PTPRN2: variants seen among roughly 807,000 people sequenced by gnomAD.
PTPRN2 encodes receptor-type tyrosine-protein phosphatase N2.
PTPRN2 carries 74 observed loss-of-function variants against 118.8 expected under a neutral mutation model. That is an observed-to-expected ratio of 0.62 (90% CI 0.52 to 0.76). The LOEUF (loss-of-function observed/expected upper bound fraction) is 0.76. Among genes scored for constraint, PTPRN2 ranks in the 30% least tolerant of loss-of-function variants. The pLI, the probability that PTPRN2 is intolerant of heterozygous loss-of-function variation, is 0.00. For synonymous variants in PTPRN2, 641 were observed against 608.0 expected, an observed-to-expected ratio of 1.05 and a Z score of -0.80; for missense variants, 1,481 against 1,394.4, an observed-to-expected ratio of 1.06 and a Z score of -0.99.
At chr7:158,132,530 A>G (rs1187077398) in intron 9 of PTPRN2, among the ~76,000 whole-genome samples, 1 of 139,812 alleles carries the variant, frequency 7.2e-6, no homozygotes, top group African/African-American at 2.7e-5. Context: ...CCCAACGTAC[A>G]CTCATATACA....
rs1252062155 is a variant in PTPRN2, at chr7:158,587,587, G to T, written c.83C>A (p.Pro28His). The change falls in exon 1 of 23, where the codon CCC (proline) becomes CAC (histidine). Residue 28 changes from proline to histidine, a missense_variant. Pro to His is a moderately conservative substitution (Grantham distance 77, BLOSUM62 -2). Coordinates refer to ENST00000389418, the MANE Select transcript of PTPRN2 (RefSeq NM_002847.5). ...ACGCCCCGGGAGCTGCCGGCCGCGG[G>T]GGACGGACGAAGGGGCGGCAGGCAG... ...RVLPAAPSSVPRGRQLPGRLG... is the reference protein window; with the variant it reads ...RVLPAAPSSVHRGRQLPGRLG... 7.5e-7 allele frequency: 1 copy of T among 1,339,466 alleles called. No individual in the cohort carries two copies. The highest frequency in any genetic ancestry group is 3.1e-5 in the East Asian group (1 of 32,408). 83.0% of individuals were successfully genotyped at this position (1,339,466 alleles called of 1,614,324 possible).
At chr7:157,652,735 G>A (rs912129536) in intron 14 of PTPRN2, among the ~76,000 whole-genome samples, 1 of 152,154 alleles carries the variant, frequency 6.6e-6, no homozygotes, top group Non-Finnish European at 1.5e-5. Context: ...ACAGCCCCAT[G>A]GATCCCCCCA....
In PTPRN2 at chr7:157,617,280, C is replaced by A. The variant is rs1305505712; in HGVS notation, c.2344+4082G>T. On this transcript the variant is annotated intron_variant, in intron 15 of 22. Coordinates refer to ENST00000389418, the MANE Select transcript of PTPRN2 (RefSeq NM_002847.5). This position sits in a 1 kb window ranked among gnomAD's most constrained non-coding sequence, Gnocchi z 7.5. ...TGCCCCAGTGATGCCGTGGTTAGGA[C>A]GCCGTTCACGCAGCTGCAGCGCAGA... The A allele has an allele frequency of 7.1e-6, 1 of 141,420 alleles. No homozygotes were observed. Among genetic ancestry groups the A allele is most frequent in the Admixed American group, 7.1e-5 (1 of 14,098 alleles). The allele number at this position is 141,420 out of a possible 1,614,324, so 8.8% of individuals were successfully genotyped here.
chr7:158,541,369 G>C (rs940136088), intron 1 of PTPRN2: 9 of 1,253,934 alleles, frequency 7.2e-6, no homozygotes, highest in Non-Finnish European at 9.5e-6. Flanking sequence ...CTAACTTGTT[G>C]TTTTCTAAAA....
At chr7:157,773,283 T>G (rs913196967) in intron 12 of PTPRN2, among the ~76,000 whole-genome samples, 3 of 152,266 alleles carry the variant, frequency 2.0e-5, no homozygotes, top group South Asian at 2.1e-4. Flanking sequence ...TACGCGGACA[T>G]TAGAAGCACA....
At chr7:158,318,146 C>T (rs1162848595) in intron 2 of PTPRN2, among the ~76,000 whole-genome samples, 1 of 152,098 alleles carries the variant, frequency 6.6e-6, no homozygotes, top group African/African-American at 2.4e-5. Context: ...CTGCAGAGCC[C>T]GGCGCCCCCC....
intron 2 of PTPRN2, among the ~76,000 whole-genome samples, chr7:158,432,693 A>G (rs778820814): frequency 1.3e-5 from 2 of 152,236 alleles, no homozygotes; most frequent in African/African-American, 2.4e-5. Context: ...TGAGAAGTAC[A>G]CAGCTTGGTG....
At position 157,618,731 on chromosome 7, in the gene PTPRN2, T is replaced by C. The variant is rs1344621777; in HGVS notation, c.2344+2631A>G. 6.6e-6 allele frequency: 1 copy of C among 152,230 alleles called. No homozygotes were observed. The allele number at this position is 152,230 out of a possible 1,614,324, so 9.4% of individuals were successfully genotyped here. On this transcript the variant is annotated intron_variant, in intron 15 of 22. Coordinates refer to ENST00000389418, the MANE Select transcript of PTPRN2 (RefSeq NM_002847.5). The surrounding 1 kb of genome is among the most constrained non-coding windows in gnomAD (Gnocchi z 4.2). ...AGAGTATGGAGAAGAAAGTAGGTAA[T>C]ACAAGTTTGCTCAGAATAAACCTAT...
intron 12 of PTPRN2, among the ~76,000 whole-genome samples, chr7:157,836,734 GATAAT>G (rs1807958645): frequency 6.6e-6 from 1 of 152,148 alleles, no homozygotes; most frequent in Admixed American, 6.5e-5. Context: ...TTTCCTGACA[GATAAT>G]ATAGAAGAGG....
At chr7:157,791,044 C>A (rs1156553825) in intron 12 of PTPRN2, among the ~76,000 whole-genome samples, 1 of 152,098 alleles carries the variant, frequency 6.6e-6, no homozygotes, top group Non-Finnish European at 1.5e-5. Context: ...AATGCACATA[C>A]TTTATGAGCA....
At chr7:157,962,247 G>C (rs1801591956) in intron 11 of PTPRN2, among the ~76,000 whole-genome samples, 1 of 152,186 alleles carries the variant, frequency 6.6e-6, no homozygotes, top group Non-Finnish European at 1.5e-5. Context: ...ATATTTGTGT[G>C]TTTCCTGGTC....
intron 5 of PTPRN2, among the ~76,000 whole-genome samples, chr7:158,169,417 AGTGTGTGTGTGT>A (rs375257745): frequency 8.1e-4 from 111 of 136,624 alleles, no homozygotes; most frequent in African/African-American, 2.8e-3. Flanking sequence ...TGCTTTTGTG[AGTGTGTGTGTGT>A]GTGTGTGTGT....
chr7:158,060,790 C>A, intron 11 of PTPRN2, among the ~76,000 whole-genome samples: 1 of 152,288 alleles, frequency 6.6e-6, no homozygotes, highest in African/African-American at 2.4e-5. Context: ...TTTTGCAAAG[C>A]GATGAATGGC....
chr7:158,072,025 C>CGTG (rs1563394594), intron 11 of PTPRN2, among the ~76,000 whole-genome samples: 35 of 113,932 alleles, frequency 3.1e-4, no homozygotes, highest in African/African-American at 1.1e-3. Context: ...TGGAGGTGCT[C>CGTG]ATGGTGGAGG....
intron 12 of PTPRN2, among the ~76,000 whole-genome samples, chr7:157,714,876 C>A (rs1798823767): frequency 6.6e-6 from 1 of 151,886 alleles, no homozygotes; most frequent in Non-Finnish European, 1.5e-5. Context: ...TTCTAGGTCT[C>A]CCGCTTTCTG....
chr7:157,789,525 T>C (rs11977030), intron 12 of PTPRN2, among the ~76,000 whole-genome samples: 2,809 of 152,346 alleles, frequency 0.018, 79 homozygotes, highest in South Asian at 0.12. Flanking sequence ...CGGCCTGGGC[T>C]TCTCTTCAAA....
At chr7:158,023,329 C>T (rs930849406) in intron 11 of PTPRN2, among the ~76,000 whole-genome samples, 1 of 152,164 alleles carries the variant, frequency 6.6e-6, no homozygotes, top group Admixed American at 6.5e-5. Flanking sequence ...TCTGCTCTCT[C>T]AGTCCCCAGG....
intron 12 of PTPRN2, among the ~76,000 whole-genome samples, chr7:157,804,863 C>T (rs1234468394): frequency 6.6e-6 from 1 of 152,260 alleles, no homozygotes; most frequent in African/African-American, 2.4e-5. Flanking sequence ...CTAGGCCTCA[C>T]TCACGAGAGA....
At position 158,363,448 on chromosome 7, in the gene PTPRN2, C is replaced by T. The variant is rs190098854; in HGVS notation, c.164-46516G>A. On this transcript the variant is annotated intron_variant, in intron 2 of 22. Transcript: ENST00000389418. Reference sequence around the variant, plus strand: ...ACAAAACATACAAGTGAAACTCAGCCCACAGCTCTGAATTCATTCTCTGAC... The same window carrying T: ...ACAAAACATACAAGTGAAACTCAGCTCACAGCTCTGAATTCATTCTCTGAC... Among the ~76,000 whole-genome samples, 127 of 152,278 alleles carry T rather than the reference C, an allele frequency of 8.3e-4. 1 individual carries two copies. In the Middle Eastern group the frequency reaches 0.017, roughly 20 times the overall value.
Sources: allele counts gnomAD v4.1 joint callset (sites outside exome capture counted in the v4.1 genomes callset), GRCh38; gene constraint gnomAD v4.1.1; non-coding constraint Gnocchi (gnomAD v3.1); transcripts MANE v1.5; gene names NCBI Gene and HGNC (gene_info 2026-07-23, HGNC 2026-07-21).